Variants in VPS13C observed in about 807,000 individuals in gnomAD.
The protein encoded by VPS13C is intermembrane lipid transfer protein VPS13C.
VPS13C carries 358 observed loss-of-function variants against 456.8 expected under a neutral mutation model. The observed-to-expected ratio is 0.78, with a 90% confidence interval of 0.72 to 0.86. The LOEUF is 0.86. Among genes scored for constraint, VPS13C ranks in the 40% least tolerant of loss-of-function variants. The pLI is 0.00. For synonymous variants in VPS13C, 1,578 were observed against 1,486.7 expected, an observed-to-expected ratio of 1.06 and a Z score of -1.41; for missense variants, 4,818 against 4,385.4, an observed-to-expected ratio of 1.10 and a Z score of -2.79.
At chr15:61,863,139 G>C (rs977315091) in intron 82 of VPS13C, among the ~76,000 whole-genome samples, 1 of 151,820 alleles carries the variant, frequency 6.6e-6, no homozygotes, top group African/African-American at 2.4e-5. Context: ...CATGAAAAAG[G>C]GTATCACTAT....
intron 47 of VPS13C, among the ~76,000 whole-genome samples, chr15:61,937,791 C>T (rs1276474160): frequency 1.3e-5 from 2 of 151,850 alleles, no homozygotes; most frequent in African/African-American, 4.8e-5. Context: ...AGGCATAATA[C>T]CAACTTTCTC....
intron 63 of VPS13C, among the ~76,000 whole-genome samples, chr15:61,911,111 A>C (rs1428851210): frequency 6.6e-6 from 1 of 152,206 alleles, no homozygotes; most frequent in Non-Finnish European, 1.5e-5. Flanking sequence ...AACAGCAGAA[A>C]GTGACCTTCA....
intron 13 of VPS13C, among the ~76,000 whole-genome samples, 196 bp from the exon 14 acceptor site, chr15:62,008,957 C>G (rs927355025): frequency 6.6e-6 from 1 of 152,074 alleles, no homozygotes; most frequent in Non-Finnish European, 1.5e-5. Context: ...AAATTTAAGA[C>G]ACTATCAATT....
chr15:62,000,661 T>G, intron 15 of VPS13C, 35 bp from the exon 16 acceptor site: 2 of 1,560,242 alleles, frequency 1.3e-6, no homozygotes, highest in Non-Finnish European at 1.7e-6. Context: ...AACAAGAAAT[T>G]TAATCATTAG....
At chr15:62,022,727 C>A (rs978781050) in intron 8 of VPS13C, among the ~76,000 whole-genome samples, 1 of 151,866 alleles carries the variant, frequency 6.6e-6, no homozygotes, top group South Asian at 2.1e-4. Flanking sequence ...AATGCAAACT[C>A]ATTTTTAGAA....
chr15:61,911,970 AG>A lies in VPS13C; in HGVS notation c.8584del (p.Leu2862PhefsTer4). ...GVSIKMSSFN[L>X]SRIVTLTPFC... ...GGGAGTCAGGGTAACTATTCGTGAAAGGTTGAAACTGCTCATTTTGATGCTA... is the reference window on the plus strand; with the variant it reads ...GGGAGTCAGGGTAACTATTCGTGAAAGTTGAAACTGCTCATTTTGATGCTA... On this transcript the variant is annotated frameshift_variant, in exon 63 of 85. Coordinates refer to ENST00000644861, the MANE Select transcript of VPS13C (RefSeq NM_020821.3). LOFTEE classifies it high-confidence loss of function. 1 of 1,608,170 alleles carries A rather than the reference AG, an allele frequency of 6.2e-7. No individual in the cohort carries two copies. The highest frequency in any genetic ancestry group is 1.3e-5 in the African/African-American group (1 of 74,946).
intron 16 of VPS13C, among the ~76,000 whole-genome samples, chr15:61,996,998 C>CATATATATATATATATATATATATAT (rs35381809): frequency 7.6e-5 from 11 of 145,562 alleles, no homozygotes; most frequent in African/African-American, 2.9e-4. Context: ...TACATACATA[C>CATATATATATATATATATATATATAT]ATATATATAT....
chr15:61,867,102 A>G lies in VPS13C; in HGVS notation c.10863+1557T>C. The G allele has an allele frequency of 2.1e-6, 2 of 963,300 alleles. No homozygotes were observed. Among genetic ancestry groups the G allele is most frequent in the Non-Finnish European group, 2.5e-6 (2 of 809,776 alleles). The allele number at this position is 963,300 out of a possible 1,614,324, so 59.7% of individuals were successfully genotyped here. On this transcript the variant is annotated intron_variant, in intron 81 of 84. Transcript: ENST00000644861. This position sits in a 1 kb window ranked among gnomAD's most constrained non-coding sequence, Gnocchi z 5.0. ...AACCCTCTCTAAGGATTTAAAAGCA[A>G]AAGGTTGGTTTTTGAAAATAAAGAA...
intron 62 of VPS13C, 67 bp from the exon 63 acceptor site, chr15:61,912,071 C>A: frequency 7.9e-7 from 1 of 1,269,616 alleles, no homozygotes; most frequent in Non-Finnish European, 1.0e-6. Flanking sequence ...CACATCCCCT[C>A]ATTCACACAC....
At chr15:61,906,457 T>C (rs1454043468) in intron 66 of VPS13C, among the ~76,000 whole-genome samples, 1 of 152,178 alleles carries the variant, frequency 6.6e-6, no homozygotes, top group Non-Finnish European at 1.5e-5. Context: ...CATTGCTACC[T>C]TCTCTCTAGT....
intron 10 of VPS13C, among the ~76,000 whole-genome samples, 190 bp downstream of exon 10, chr15:62,013,743 G>A (rs1241624121): frequency 1.3e-5 from 2 of 151,908 alleles, no homozygotes; most frequent in African/African-American, 4.8e-5. Flanking sequence ...TCACTTGATA[G>A]GTAAAGAACC....
Position 62,000,558 on chromosome 15 carries a change from G to A in VPS13C, c.1353+6C>T, listed in dbSNP as rs1363455817. On this transcript the variant is annotated splice_donor_region_variant and intron_variant, in intron 16 of 84. Transcript: ENST00000644861. The stretch of plus-strand genomic sequence containing the variant: ...AAACATAAAATCAGCTAATAAAAAT[G>A]ATTACCTCAACTTGTGCTTGTTGCC... 1.2e-6 allele frequency: 2 copies of A among 1,603,042 alleles called. No individual in the cohort carries two copies. The highest frequency in any genetic ancestry group is 1.3e-5 in the African/African-American group (1 of 74,252).
intron 54 of VPS13C, 148 bp downstream of exon 54, chr15:61,922,249 C>T (rs1393737632): frequency 8.6e-7 from 1 of 1,163,662 alleles, no homozygotes; most frequent in Middle Eastern, 2.4e-4. Context: ...TATCAAAAAA[C>T]AATACATCGA....
At chr15:61,892,783 T>C (rs11629741) in intron 66 of VPS13C, among the ~76,000 whole-genome samples, 10,099 of 152,080 alleles carry the variant, frequency 0.066, 363 homozygotes, top group Non-Finnish European at 0.08. Flanking sequence ...ATCAGTGAAA[T>C]TGAAACAGAC....
chr15:61,958,653 C>A lies in VPS13C; in HGVS notation c.4120G>T (p.Gly1374Cys), dbSNP rs565796065. 3.2e-6 allele frequency: 5 copies of A among 1,574,082 alleles called. No individual in the cohort carries two copies. In the East Asian group the frequency reaches 7.0e-5, roughly 22 times the overall value. Residue 1374 changes from glycine to cysteine, a missense_variant, in exon 37 of 85, where the codon GGT becomes TGT. Physicochemically the swap from Gly to Cys is radical, Grantham distance 159 (BLOSUM62 -3). Coordinates refer to ENST00000644861, the MANE Select transcript of VPS13C (RefSeq NM_020821.3). The stretch of plus-strand genomic sequence containing the variant: ...TTCACTTTATCCAAGTCTTCAGTAC[C>A]CTCACAGAGATTTTCTGTTAGTATC... Reference protein sequence around the residue: ...FRILTENLCEGTEDLDKVKPR... With the variant: ...FRILTENLCECTEDLDKVKPR...
At position 62,020,111 on chromosome 15, in the gene VPS13C, T is replaced by C. The variant is rs3825888; in HGVS notation, c.684+368A>G. ...ATGAGTGTGCGCACACACACACACA[T>C]ACATAAACATATGCATATCTATAAG... On this transcript the variant is annotated intron_variant, in intron 9 of 84. Coordinates refer to ENST00000644861, the MANE Select transcript of VPS13C (RefSeq NM_020821.3). 3.2e-3 allele frequency among the ~76,000 whole-genome samples: 412 copies of C among 129,846 alleles called. 2 individuals are homozygous for C. Among genetic ancestry groups the C allele is most frequent in the African/African-American group, 0.015 (393 of 26,048 alleles). 85.2% of individuals were successfully genotyped at this position (129,846 alleles called of 152,430 possible).
At chr15:61,854,839 A>G (rs1364758144) in intron 84 of VPS13C, 32 bp downstream of exon 84, 1 of 1,573,672 alleles carries the variant, frequency 6.4e-7, no homozygotes. Flanking sequence ...TTCAGCTAAA[A>G]AAAATTGAGG....
chr15:61,876,889 T>C (rs1373947334), intron 75 of VPS13C, 84 bp downstream of exon 75: 2 of 976,084 alleles, frequency 2.0e-6, no homozygotes, highest in South Asian at 2.2e-5. Flanking sequence ...TAGATAAACA[T>C]TACTGCACAC....
At position 61,918,179 on chromosome 15, in the gene VPS13C, C is replaced by CT; in HGVS notation, c.7716dup (p.Ala2573SerfsTer4). 1 of 1,601,042 alleles carries CT rather than the reference C, an allele frequency of 6.2e-7. No individual in the cohort carries two copies. Among genetic ancestry groups the CT allele is most frequent in the Non-Finnish European group, 8.5e-7 (1 of 1,175,384 alleles). ...ACATGGAACTCCTCTTCAGGTCTGG[C>CT]TATCCCAATGCGCTCCAATAGCTTA... On this transcript the variant is annotated frameshift_variant, in exon 59 of 85. Coordinates refer to ENST00000644861, the MANE Select transcript of VPS13C (RefSeq NM_020821.3). LOFTEE classifies it high-confidence loss of function.
Sources: gnomAD v4.1 joint callset for allele counts (sites outside exome capture counted in the v4.1 genomes callset) on GRCh38, gnomAD v4.1.1 for gene constraint, Gnocchi (gnomAD v3.1) non-coding constraint, MANE v1.5 for transcripts, NCBI Gene and HGNC (gene_info 2026-07-23, HGNC 2026-07-21) for gene names.